The following SAMHD1 variants were observed in gnomAD, a reference collection of about 807,000 sequenced individuals.
The protein encoded by SAMHD1 is deoxynucleoside triphosphate triphosphohydrolase SAMHD1.
A neutral mutation model predicts 79.6 loss-of-function variants in SAMHD1; 54 were observed. That is an observed-to-expected ratio of 0.68 (90% CI 0.55 to 0.85). The LOEUF (loss-of-function observed/expected upper bound fraction) is 0.85, where lower values mean the gene tolerates loss of function less well. Among genes scored for constraint, SAMHD1 ranks in the 40% least tolerant of loss-of-function variants. SAMHD1 has a pLI of 0.00. For missense variants in SAMHD1, 663 were observed against 782.7 expected, an observed-to-expected ratio of 0.85 and a Z score of 1.82; for synonymous variants, 260 against 264.1, an observed-to-expected ratio of 0.98 and a Z score of 0.15.
intron 1 of SAMHD1, among the ~76,000 whole-genome samples, chr20:36,950,210 G>A (rs1343324801): frequency 6.6e-6 from 1 of 151,868 alleles, no homozygotes; most frequent in Non-Finnish European, 1.5e-5. Context: ...GAAACAGAGA[G>A]CCAACCACAT....
intron 2 of SAMHD1, among the ~76,000 whole-genome samples, chr20:36,942,713 C>A (rs539750627): frequency 7.1e-4 from 107 of 151,718 alleles, no homozygotes; most frequent in South Asian, 2.1e-3. Context: ...GTGACGTGAT[C>A]TCGGCTCACT....
At chr20:36,950,733 C>T (rs1165061994) in intron 1 of SAMHD1, among the ~76,000 whole-genome samples, 1 of 152,178 alleles carries the variant, frequency 6.6e-6, no homozygotes, top group Non-Finnish European at 1.5e-5. Context: ...TTTTAAAGAG[C>T]AAAACATGTT....
intron 5 of SAMHD1, among the ~76,000 whole-genome samples, chr20:36,928,061 G>C (rs2063546899): frequency 6.6e-6 from 1 of 152,204 alleles, no homozygotes; most frequent in African/African-American, 2.4e-5. Context: ...TCTTCAGATT[G>C]AAAATATCTG....
At chr20:36,947,612 C>G (rs896052621) in intron 1 of SAMHD1, among the ~76,000 whole-genome samples, 2 of 149,894 alleles carry the variant, frequency 1.3e-5, no homozygotes, top group Admixed American at 1.3e-4. Context: ...TTTCCTTTCT[C>G]TTTCTATACA....
chr20:36,917,222 G>C, intron 7 of SAMHD1, 173 bp from the exon 8 acceptor site: 1 of 630,132 alleles, frequency 1.6e-6, no homozygotes, highest in South Asian at 1.9e-5. Flanking sequence ...AAAACTAGTA[G>C]AAAGGGAAAA....
intron 2 of SAMHD1, among the ~76,000 whole-genome samples, chr20:36,945,889 G>A (rs1464461050): frequency 6.6e-6 from 1 of 151,970 alleles, no homozygotes; most frequent in African/African-American, 2.4e-5. Context: ...GGGTGACAGA[G>A]TGAGACTCTG....
At chr20:36,926,083 A>G (rs1311920289) in intron 6 of SAMHD1, among the ~76,000 whole-genome samples, 2 of 150,750 alleles carry the variant, frequency 1.3e-5, no homozygotes, top group African/African-American at 2.5e-5. Flanking sequence ...AACTTTCCAC[A>G]CTACAACAAC....
rs750147783 is a variant in SAMHD1 at position 36,893,020 on chromosome 20, C to A, written c.1793G>T (p.Trp598Leu). The A allele has an allele frequency of 6.2e-7, 1 of 1,613,952 alleles. No individual in the cohort carries two copies. Among genetic ancestry groups the A allele is most frequent in the Admixed American group, 1.7e-5 (1 of 59,992 alleles). The change falls in exon 16 of 16, where the codon TGG becomes TTG. Residue 598 changes from tryptophan to leucine, a missense_variant. Physicochemically the swap from Trp to Leu is moderately conservative, Grantham distance 61 (BLOSUM62 -2). Transcript: ENST00000646673. ...ATTTTGGACTGAAGTACTGTCGTTC[C>A]ATTCCTTTTTTTGAGGTGTTATGAG... ...APLITPQKKE[W>L]NDSTSVQNPT...
At position 36,917,024 on chromosome 20, in the gene SAMHD1, T is replaced by C; in HGVS notation, c.878A>G (p.Asn293Ser). Residue 293 changes from asparagine to serine, a missense_variant, in exon 8 of 16, where the codon AAC becomes AGC. Asn to Ser is a conservative substitution (Grantham distance 46). Transcript: ENST00000646673. The stretch of plus-strand genomic sequence containing the variant: ...TACTATCTCATAAAGGAAGCTTTTG[T>C]TTTCAGGACGCCCTTTATATGGCCA... The part of the protein sequence containing the change: ...SLWPYKGRPE[N>S]KSFLYEIVSN... 2 of 1,613,930 alleles carry C rather than the reference T, an allele frequency of 1.2e-6. No homozygotes were observed. The highest frequency in any genetic ancestry group is 2.7e-5 in the African/African-American group (2 of 75,064).
At chr20:36,920,706 TGAGCC>T (rs1209263464) in intron 6 of SAMHD1, among the ~76,000 whole-genome samples, 2 of 149,946 alleles carry the variant, frequency 1.3e-5, no homozygotes, top group Non-Finnish European at 3.0e-5. Context: ...GAGGTTGCAG[TGAGCC>T]GAGATCGCCC....
At chr20:36,917,356 A>G (rs776607125) in intron 7 of SAMHD1, 25 of 331,866 alleles carry the variant, frequency 7.5e-5, no homozygotes, top group Middle Eastern at 1.0e-3. Flanking sequence ...TAAGTTTTTG[A>G]AAAATATAAA....
At chr20:36,907,602 C>T (rs1035792099) in intron 11 of SAMHD1, among the ~76,000 whole-genome samples, 12 of 134,446 alleles carry the variant, frequency 8.9e-5, no homozygotes, top group Non-Finnish European at 1.7e-4. Flanking sequence ...TGCAATGGTG[C>T]GATCTCAGCT....
intron 6 of SAMHD1, among the ~76,000 whole-genome samples, chr20:36,919,942 AAAC>A (rs2063495588): frequency 6.6e-6 from 1 of 152,130 alleles, no homozygotes; most frequent in South Asian, 2.1e-4. Flanking sequence ...TTGCCAGTAA[AAAC>A]AAAGATCTCC....
At chr20:36,945,508 A>G (rs2063679857) in intron 2 of SAMHD1, among the ~76,000 whole-genome samples, 1 of 152,202 alleles carries the variant, frequency 6.6e-6, no homozygotes, top group Non-Finnish European at 1.5e-5. Flanking sequence ...CCCAGTGTGT[A>G]TAATTCAATT....
chr20:36,921,176 C>T (rs551462303), intron 6 of SAMHD1, among the ~76,000 whole-genome samples: 9 of 152,034 alleles, frequency 5.9e-5, no homozygotes, highest in African/African-American at 1.9e-4. Context: ...AGGCAGATCA[C>T]GAGGTCAGGA....
At chr20:36,903,120 A>G (rs1384476431) in intron 13 of SAMHD1, among the ~76,000 whole-genome samples, 1 of 152,208 alleles carries the variant, frequency 6.6e-6, no homozygotes, top group Non-Finnish European at 1.5e-5. Flanking sequence ...GGGCCTGATG[A>G]GCTAGGAAAA....
chr20:36,941,094 T>C lies in SAMHD1; in HGVS notation c.293A>G (p.Lys98Arg), dbSNP rs1439121967. ...NLGVSSLGERKKLLSYIQRLV... is the reference protein window; with the variant it reads ...NLGVSSLGERRKLLSYIQRLV... ...TCGCTGGATATAACTAAGCAGCTTC[T>C]TCCTCTCCCCCAAGGAACTAAAATT... The change falls in exon 3 of 16, where the codon AAG (lysine) becomes AGG (arginine). Residue 98 changes from lysine (K) to arginine (R), a missense_variant. Transcript: ENST00000646673. 2.5e-6 allele frequency: 4 copies of C among 1,612,956 alleles called. No individual in the cohort carries two copies. Among genetic ancestry groups the C allele is most frequent in the South Asian group, 2.2e-5 (2 of 91,064 alleles).
intron 14 of SAMHD1, among the ~76,000 whole-genome samples, chr20:36,898,230 G>T (rs1990234164): frequency 6.6e-6 from 1 of 152,064 alleles, no homozygotes; most frequent in African/African-American, 2.4e-5. Flanking sequence ...GTCTCGCTTT[G>T]TTGGCCAGGC....
intron 15 of SAMHD1, among the ~76,000 whole-genome samples, chr20:36,896,984 A>G (rs1312666882): frequency 6.6e-6 from 1 of 151,816 alleles, no homozygotes; most frequent in Non-Finnish European, 1.5e-5. Context: ...TCTCCCTGCT[A>G]CTCATCCAAA....
Sources: allele counts gnomAD v4.1 joint callset (sites outside exome capture counted in the v4.1 genomes callset), GRCh38; gene constraint gnomAD v4.1.1; transcripts MANE v1.5; gene names NCBI Gene and HGNC (gene_info 2026-07-23, HGNC 2026-07-21).